Variants in PCDH15 observed in about 807,000 individuals in gnomAD.
PCDH15 encodes the protein protocadherin related 15.
Under a neutral mutation model 178.5 loss-of-function variants are expected in PCDH15, and 129 were observed. The ratio of observed to expected loss-of-function variants is 0.72; its 90% CI spans 0.63 to 0.84. PCDH15 has a LOEUF of 0.84. PCDH15 is among the 40% of genes least tolerant of loss of function. PCDH15 has a pLI of 0.00. For missense variants in PCDH15, 2,230 were observed against 2,099.9 expected (o/e 1.06, Z -1.21); for synonymous variants, 800 against 732.0 (o/e 1.09, Z -1.50).
intron 2 of PCDH15, among the ~76,000 whole-genome samples, chr10:54,581,103 A>T (rs1216276865): frequency 6.6e-6 from 1 of 152,138 alleles, no homozygotes; most frequent in Non-Finnish European, 1.5e-5. Flanking sequence ...TAGAGCAATC[A>T]AAGAAGAGAA....
rs375293038 is a variant in PCDH15, at chr10:55,238,996, A to G, written c.-155-72345T>C. ...ATTAACCATTTCTACTTTATTCCCCACTCCCCACTACCCTTCCTAGCCTCT... is the reference window on the plus strand; with the variant it reads ...ATTAACCATTTCTACTTTATTCCCCGCTCCCCACTACCCTTCCTAGCCTCT... On this transcript the variant is annotated intron_variant, in intron 1 of 5. Transcript: ENST00000458638. Among the ~76,000 whole-genome samples, 174 of 151,706 alleles carry G rather than the reference A, an allele frequency of 1.1e-3. 1 individual carries two copies. In the Middle Eastern group the frequency reaches 0.021, roughly 18 times the overall value.
At chr10:54,209,058 T>C (rs113265437) in intron 10 of PCDH15, among the ~76,000 whole-genome samples, 340 of 152,090 alleles carry the variant, frequency 2.2e-3, no homozygotes, top group African/African-American at 7.9e-3. Flanking sequence ...CACATCTCCA[T>C]AACAGATTTA....
At chr10:54,518,852 G>C (rs7478636) in intron 3 of PCDH15, among the ~76,000 whole-genome samples, 1 of 152,028 alleles carries the variant, frequency 6.6e-6, no homozygotes, top group Non-Finnish European at 1.5e-5. Flanking sequence ...ACATCAAAAA[G>C]CTTATGCACC....
chr10:55,572,437 T>C (rs1842422950), intron 2 of PCDH15, among the ~76,000 whole-genome samples: 1 of 150,824 alleles, frequency 6.6e-6, no homozygotes, highest in Non-Finnish European at 1.5e-5. Context: ...TATTAATATA[T>C]TATAATTTTT....
chr10:54,378,330 A>G (rs1948747596), intron 4 of PCDH15, among the ~76,000 whole-genome samples: 1 of 151,866 alleles, frequency 6.6e-6, no homozygotes, highest in African/African-American at 2.4e-5. Context: ...CTTTTTTGCA[A>G]CTATGTAAGA....
chr10:53,809,438 T>G, intron 37 of PCDH15: 1 of 1,614,016 alleles, frequency 6.2e-7, no homozygotes, highest in Non-Finnish European at 8.5e-7. Context: ...TTCCATGTTG[T>G]GTATGTAGGC....
At chr10:55,209,881 T>A (rs1159996017) in intron 1 of PCDH15, among the ~76,000 whole-genome samples, 1 of 152,064 alleles carries the variant, frequency 6.6e-6, no homozygotes, top group East Asian at 1.9e-4. Flanking sequence ...ATGTTGTTGG[T>A]AGTAAAATCA....
At chr10:55,574,430 T>C (rs765029501) in intron 2 of PCDH15, among the ~76,000 whole-genome samples, 1 of 151,932 alleles carries the variant, frequency 6.6e-6, no homozygotes, top group African/African-American at 2.4e-5. Flanking sequence ...TTTCACAGAG[T>C]AGGCAATCAA....
intron 26 of PCDH15, among the ~76,000 whole-genome samples, chr10:53,895,262 T>A (rs1310925120): frequency 6.6e-6 from 1 of 152,168 alleles, no homozygotes; most frequent in Non-Finnish European, 1.5e-5. Context: ...TTGCATCCTC[T>A]GACCATGACT....
chr10:54,816,230 G>T (rs1012570385), intron 3 of PCDH15, among the ~76,000 whole-genome samples: 1 of 152,008 alleles, frequency 6.6e-6, no homozygotes, highest in Admixed American at 6.6e-5. Context: ...TATTTATGTA[G>T]TATTAAATAA....
At position 54,314,783 on chromosome 10, in the gene PCDH15, C is replaced by T. The variant is rs1289247155; in HGVS notation, c.876+2488G>A. On this transcript the variant is annotated intron_variant, in intron 8 of 37. Coordinates refer to ENST00000644397, the MANE Select transcript of PCDH15 (RefSeq NM_001384140.1). The stretch of plus-strand genomic sequence containing the variant: ...CCTCCCACTTATATGTGAGAATATG[C>T]GGTATTTGGTTTTCTGTTCCTGTGT... 3.9e-5 allele frequency among the ~76,000 whole-genome samples: 6 copies of T among 152,096 alleles called. No individual in the cohort carries two copies. In the South Asian group the frequency reaches 1.0e-3, roughly 26 times the overall value.
chr10:55,295,636 G>A (rs982960394), intron 1 of PCDH15, among the ~76,000 whole-genome samples: 5 of 152,136 alleles, frequency 3.3e-5, no homozygotes, highest in Admixed American at 6.6e-5. Flanking sequence ...GCAGTAAGAT[G>A]CATGCTTTCA....
chr10:55,152,884 A>ATTATGTAAAT (rs2132103382), intron 2 of PCDH15, among the ~76,000 whole-genome samples: 1 of 152,288 alleles, frequency 6.6e-6, no homozygotes, highest in East Asian at 1.9e-4. Flanking sequence ...ACACATACAC[A>ATTATGTAAAT]CACACAATAA....
At chr10:53,930,445 G>A (rs1419896132) in intron 25 of PCDH15, among the ~76,000 whole-genome samples, 3 of 104,478 alleles carry the variant, frequency 2.9e-5, no homozygotes, top group East Asian at 3.1e-4. Flanking sequence ...GTGACAGAGT[G>A]AGACTCCCTC....
intron 13 of PCDH15, among the ~76,000 whole-genome samples, chr10:54,156,445 G>T (rs2045159754): frequency 6.6e-6 from 1 of 152,164 alleles, no homozygotes; most frequent in Non-Finnish European, 1.5e-5. Context: ...GACAAGAGAA[G>T]AGAGCTTGTG....
chr10:55,145,001 A>G (rs1838465253), intron 2 of PCDH15, among the ~76,000 whole-genome samples: 1 of 152,056 alleles, frequency 6.6e-6, no homozygotes, highest in African/African-American at 2.4e-5. Flanking sequence ...GATTATAACT[A>G]CAGAAATTCT....
At chr10:54,896,831 T>TA (rs149598111) in intron 3 of PCDH15, among the ~76,000 whole-genome samples, 34,256 of 151,748 alleles carry the variant, frequency 0.23, 4,555 homozygotes, top group Non-Finnish European at 0.31. Flanking sequence ...ATATACAAAG[T>TA]AAAAAAAACA....
At chr10:54,981,642 G>A (rs1839234571) in intron 2 of PCDH15, among the ~76,000 whole-genome samples, 1 of 152,060 alleles carries the variant, frequency 6.6e-6, no homozygotes, top group African/African-American at 2.4e-5. Flanking sequence ...TAATCGTAAG[G>A]AATATTTCTT....
At chr10:55,478,918 C>A (rs902816172) in intron 2 of PCDH15, among the ~76,000 whole-genome samples, 4 of 138,246 alleles carry the variant, frequency 2.9e-5, no homozygotes, top group Admixed American at 7.4e-5. Context: ...TGTAATCTAC[C>A]AAAATTGAAT....
Sources: gnomAD v4.1 joint callset for allele counts (sites outside exome capture counted in the v4.1 genomes callset) on GRCh38, gnomAD v4.1.1 for gene constraint, MANE v1.5 for transcripts, NCBI Gene and HGNC (gene_info 2026-07-23, HGNC 2026-07-21) for gene names.